Variants in MYO1B observed in about 807,000 individuals in gnomAD.
MYO1B encodes the protein unconventional myosin-Ib.
A neutral mutation model predicts 159.7 loss-of-function variants in MYO1B; 72 were observed. The observed-to-expected ratio is 0.45, with a 90% CI of 0.37 to 0.55. MYO1B has a LOEUF of 0.55. MYO1B is among the 20% of genes least tolerant of loss of function. The pLI, the probability that MYO1B is intolerant of heterozygous loss-of-function variation, is 0.00. For missense variants in MYO1B, 1,062 were observed against 1,364.8 expected (o/e 0.78, Z 3.50); for synonymous variants, 468 against 473.8 (o/e 0.99, Z 0.16).
intron 2 of MYO1B, among the ~76,000 whole-genome samples, chr2:191,288,121 G>C (rs1688488056): frequency 6.6e-6 from 1 of 151,644 alleles, no homozygotes; most frequent in African/African-American, 2.4e-5. Context: ...TGGACACTTG[G>C]GTGACTTCCT....
intron 2 of MYO1B, among the ~76,000 whole-genome samples, chr2:191,288,831 G>A (rs1044054158): frequency 1.6e-4 from 24 of 152,288 alleles, no homozygotes; most frequent in African/African-American, 5.1e-4. Context: ...TGATTTTTGC[G>A]TTGGAAGTAA....
chr2:191,383,877 C>G (rs1256178735), intron 15 of MYO1B, among the ~76,000 whole-genome samples: 1 of 151,980 alleles, frequency 6.6e-6, no homozygotes, highest in Admixed American at 6.6e-5. Context: ...TCTTAACATA[C>G]TATTCACCGG....
At chr2:191,308,469 A>T (rs1559157346) in intron 3 of MYO1B, among the ~76,000 whole-genome samples, 1 of 152,118 alleles carries the variant, frequency 6.6e-6, no homozygotes. Context: ...CAACAGTTCA[A>T]CTCAATAAAC....
In MYO1B at chr2:191,392,161, C is replaced by A; in HGVS notation, c.2036C>A (p.Ser679Tyr). ...NELEIPVEEY[S>Y]FGRSKIFIRN... ...TTAGAAATTCCCGTGGAAGAATACT[C>A]CTTTGGTAGATCAAAGATATTCATC... The change falls in exon 19 of 31, where the codon TCC becomes TAC. Residue 679 changes from serine to tyrosine, a missense_variant. By Grantham distance (144) the Ser-to-Tyr change is moderately radical. Transcript: ENST00000392318. The A allele has an allele frequency of 1.2e-6, 2 of 1,608,890 alleles. No individual in the cohort carries two copies. Among genetic ancestry groups the A allele is most frequent in the Non-Finnish European group, 1.7e-6 (2 of 1,176,284 alleles).
At chr2:191,270,010 G>A (rs1687362493) in intron 1 of MYO1B, among the ~76,000 whole-genome samples, 1 of 152,150 alleles carries the variant, frequency 6.6e-6, no homozygotes, top group Non-Finnish European at 1.5e-5. Flanking sequence ...TGGTAGGCAG[G>A]CTGTCGATAA....
chr2:191,292,141 A>T (rs547972470), intron 2 of MYO1B, among the ~76,000 whole-genome samples: 1 of 152,350 alleles, frequency 6.6e-6, no homozygotes, highest in South Asian at 2.1e-4. Context: ...ATAAAGTGGA[A>T]TGGAGAGAGA....
rs376135357 is a variant in MYO1B, at chr2:191,391,808, G to A, written c.1983-300G>A. Among the ~76,000 whole-genome samples the A allele has an allele frequency of 4.1e-4, 63 of 152,286 alleles. 1 individual carries two copies. In the South Asian group the frequency reaches 0.011, roughly 26 times the overall value. On this transcript the variant is annotated intron_variant, in intron 18 of 30. Coordinates refer to ENST00000392318, the MANE Select transcript of MYO1B (RefSeq NM_001130158.3). Reference sequence around the variant, plus strand: ...CTTGCACACCCTCCTGGCCCAGGTTGGTACATCATTATAGGTATTTTTGAT... The same window carrying A: ...CTTGCACACCCTCCTGGCCCAGGTTAGTACATCATTATAGGTATTTTTGAT...
intron 3 of MYO1B, among the ~76,000 whole-genome samples, chr2:191,311,993 T>C (rs1181476300): frequency 6.6e-6 from 1 of 152,238 alleles, no homozygotes; most frequent in Non-Finnish European, 1.5e-5. Flanking sequence ...ATTATATCTA[T>C]GATTGATTGT....
chr2:191,393,166 T>A lies in MYO1B; in HGVS notation c.2170T>A (p.Phe724Ile). The A allele has an allele frequency of 1.9e-6, 3 of 1,614,082 alleles. No homozygotes were observed. ...IYRGWKCRTHFLLMKKSQIVI... is the reference protein window; with the variant it reads ...IYRGWKCRTHILLMKKSQIVI... ...TCGGGGGTGGAAATGCCGCACACAC[T>A]TCCTGCTAATGAAAAAAAGCCAAAT... Residue 724 changes from phenylalanine (F) to isoleucine (I), a missense_variant, in exon 20 of 31, where the codon TTC becomes ATC. By Grantham distance (21) the Phe-to-Ile change is conservative (BLOSUM62 0). Around this residue, in one of 5 missense-constraint regions of MYO1B, gnomAD observed 609 missense variants for 744.4 expected, o/e 0.82. Coordinates refer to ENST00000392318, the MANE Select transcript of MYO1B (RefSeq NM_001130158.3).
chr2:191,280,236 T>C (rs1453892127), intron 2 of MYO1B, among the ~76,000 whole-genome samples: 1 of 152,198 alleles, frequency 6.6e-6, no homozygotes, highest in Non-Finnish European at 1.5e-5. Flanking sequence ...AAGCTCTGGA[T>C]AGAGCAAGGC....
intron 3 of MYO1B, among the ~76,000 whole-genome samples, chr2:191,301,187 T>G (rs1187287093): frequency 1.3e-5 from 2 of 152,218 alleles, no homozygotes; most frequent in Non-Finnish European, 2.9e-5. Flanking sequence ...CTTTTCTAGT[T>G]AGGTAAGTGA....
chr2:191,353,404 A>G (rs1693046606), intron 7 of MYO1B, among the ~76,000 whole-genome samples: 1 of 152,196 alleles, frequency 6.6e-6, no homozygotes, highest in African/African-American at 2.4e-5. Flanking sequence ...CATATGGTAC[A>G]AGTCGCAAGG....
At position 191,286,264 on chromosome 2, in the gene MYO1B, T is replaced by C. The variant is rs535756946; in HGVS notation, c.135+9234T>C. Reference sequence around the variant, plus strand: ...TGTTATTCACCTTATACTTGTAATTTTTACTTAGGCATTTTGCACAGTTTT... The same window carrying C: ...TGTTATTCACCTTATACTTGTAATTCTTACTTAGGCATTTTGCACAGTTTT... On this transcript the variant is annotated intron_variant, in intron 2 of 30. Coordinates refer to ENST00000392318, the MANE Select transcript of MYO1B (RefSeq NM_001130158.3). 5.9e-5 allele frequency among the ~76,000 whole-genome samples: 9 copies of C among 152,252 alleles called. No homozygotes were observed. In the South Asian group the frequency reaches 1.9e-3, roughly 32 times the overall value.
chr2:191,360,573 G>C (rs890793358), intron 7 of MYO1B, 58 bp from the exon 8 acceptor site: 23 of 1,058,000 alleles, frequency 2.2e-5, no homozygotes, highest in Non-Finnish European at 3.2e-5. Flanking sequence ...AGGAAAAAAA[G>C]CATGGTGGAT....
At chr2:191,314,606 A>C (rs1426711254) in intron 3 of MYO1B, among the ~76,000 whole-genome samples, 1 of 152,214 alleles carries the variant, frequency 6.6e-6, no homozygotes, top group African/African-American at 2.4e-5. Flanking sequence ...TGCAATGTTA[A>C]TGTTTTTGGA....
intron 20 of MYO1B, 97 bp from the exon 21 acceptor site, chr2:191,396,332 G>A: frequency 7.9e-7 from 1 of 1,265,300 alleles, no homozygotes; most frequent in South Asian, 1.2e-5. Context: ...GGATAATTGA[G>A]TCAGTTAGAC....
rs73981554 is a variant in MYO1B at position 191,312,862 on chromosome 2, A to G, written c.251+16636A>G. Among the ~76,000 whole-genome samples, 418 of 152,336 alleles carry G rather than the reference A, an allele frequency of 2.7e-3. 3 individuals carry two copies. The highest frequency in any genetic ancestry group is 9.7e-3 in the African/African-American group (403 of 41,572). Reference sequence around the variant, plus strand: ...GGAGACCTGGCATTAGGTTCATAGTAAGTATTCAGGAAATATTTATTTTTA... The same window carrying G: ...GGAGACCTGGCATTAGGTTCATAGTGAGTATTCAGGAAATATTTATTTTTA... On this transcript the variant is annotated intron_variant, in intron 3 of 30. Transcript: ENST00000392318.
intron 3 of MYO1B, among the ~76,000 whole-genome samples, chr2:191,319,256 T>G (rs2125887538): frequency 6.6e-6 from 1 of 152,124 alleles, no homozygotes; most frequent in South Asian, 2.1e-4. Flanking sequence ...TTACTTAGAG[T>G]GGCAACCAGG....
At chr2:191,392,342 C>G (rs565622457) in intron 19 of MYO1B, 141 bp downstream of exon 19, 1 of 554,464 alleles carries the variant, frequency 1.8e-6, no homozygotes, top group Admixed American at 3.0e-5. Context: ...TACAAATAAT[C>G]AAGAGGCAGG....
Sources: gnomAD v4.1 joint callset for allele counts (sites outside exome capture counted in the v4.1 genomes callset) on GRCh38, gnomAD v4.1.1 for gene constraint, gnomAD v4.1.1 regional missense constraint, MANE v1.5 for transcripts, NCBI Gene and HGNC (gene_info 2026-07-23, HGNC 2026-07-21) for gene names.